DCC: variants seen among roughly 807,000 people sequenced by gnomAD.
DCC encodes the protein DCC netrin 1 receptor.
DCC carries 58 observed loss-of-function variants against 172.5 expected under a neutral mutation model. The ratio of observed to expected loss-of-function variants is 0.34; its 90% CI spans 0.27 to 0.42. DCC has a LOEUF of 0.42. Among genes scored for constraint, DCC ranks in the 10% least tolerant of loss-of-function variants. The pLI is 1.00. For missense variants in DCC, 1,740 were observed against 1,791.0 expected (o/e 0.97, Z 0.51); for synonymous variants, 709 against 644.5 (o/e 1.10, Z -1.52).
At position 52,817,803 on chromosome 18, in the gene DCC, A is replaced by ATATATGTGTG. The variant is rs375371359; in HGVS notation, c.412+65430_412+65431insATATGTGTGT. Among the ~76,000 whole-genome samples the ATATATGTGTG allele has an allele frequency of 4.3e-3, 652 of 151,528 alleles. 9 individuals carry two copies. Among genetic ancestry groups the ATATATGTGTG allele is most frequent in the African/African-American group, 0.015 (616 of 41,284 alleles). Reference sequence around the variant, plus strand: ...AAATATAAAATGTTTATATATATATATGTGTGTGTGTGTGTATAATTTATG... The same window carrying ATATATGTGTG: ...AAATATAAAATGTTTATATATATATATATATGTGTGTGTGTGTGTGTGTGTATAATTTATG... On this transcript the variant is annotated intron_variant, in intron 2 of 28. Transcript: ENST00000442544.
intron 1 of DCC, among the ~76,000 whole-genome samples, chr18:52,414,834 A>G (rs1383553949): frequency 6.6e-6 from 1 of 152,196 alleles, no homozygotes; most frequent in Non-Finnish European, 1.5e-5. Context: ...TGCTCCTGAC[A>G]TTTAATTGGT....
chr18:53,126,484 G>T (rs578088926), intron 7 of DCC, among the ~76,000 whole-genome samples: 2 of 152,044 alleles, frequency 1.3e-5, no homozygotes, highest in Non-Finnish European at 2.9e-5. Flanking sequence ...TTGAGCTGTC[G>T]CTAGGAGCAG....
chr18:53,123,764 T>A (rs545939393), intron 7 of DCC, among the ~76,000 whole-genome samples: 1 of 152,192 alleles, frequency 6.6e-6, no homozygotes, highest in South Asian at 2.1e-4. Context: ...CTATTCACAG[T>A]CTTCATCTCT....
intron 12 of DCC, among the ~76,000 whole-genome samples, chr18:53,289,937 T>C (rs1321869056): frequency 6.6e-6 from 1 of 152,194 alleles, no homozygotes; most frequent in African/African-American, 2.4e-5. Flanking sequence ...TTTAGATTTG[T>C]GTGCTTGAGG....
At chr18:53,134,707 T>A (rs1317756962) in intron 7 of DCC, among the ~76,000 whole-genome samples, 2 of 152,158 alleles carry the variant, frequency 1.3e-5, no homozygotes, top group African/African-American at 4.8e-5. Context: ...TTTTTTGACA[T>A]TGGTCAGAAA....
chr18:53,468,436 G>A (rs1277141275), intron 25 of DCC, among the ~76,000 whole-genome samples: 1 of 148,392 alleles, frequency 6.7e-6, no homozygotes, highest in Non-Finnish European at 1.5e-5. Context: ...AGGTTGGAGT[G>A]CAGTGGCACA....
chr18:52,526,406 G>A (rs1227197999), intron 1 of DCC, among the ~76,000 whole-genome samples: 1 of 152,014 alleles, frequency 6.6e-6, no homozygotes, highest in Non-Finnish European at 1.5e-5. Context: ...CAAAGGCAAG[G>A]TCTTCAGACA....
intron 5 of DCC, among the ~76,000 whole-genome samples, chr18:52,962,787 G>T (rs1160515501): frequency 6.6e-6 from 1 of 151,948 alleles, no homozygotes; most frequent in Non-Finnish European, 1.5e-5. Context: ...AAAAAATGAT[G>T]AGTTCATGTC....
intron 12 of DCC, among the ~76,000 whole-genome samples, chr18:53,267,700 A>C (rs976946743): frequency 1.3e-5 from 2 of 152,094 alleles, no homozygotes; most frequent in African/African-American, 4.8e-5. Flanking sequence ...TTCTGGGCTC[A>C]AGCAATCCTC....
At chr18:52,641,760 G>A (rs2034894987) in intron 1 of DCC, among the ~76,000 whole-genome samples, 1 of 151,900 alleles carries the variant, frequency 6.6e-6, no homozygotes, top group African/African-American at 2.4e-5. Context: ...CTTCTACACT[G>A]CTGGTGGGAA....
chr18:52,388,655 C>A (rs1253897871), intron 1 of DCC, among the ~76,000 whole-genome samples: 1 of 152,014 alleles, frequency 6.6e-6, no homozygotes, highest in Non-Finnish European at 1.5e-5. Flanking sequence ...CAGCTTCCTG[C>A]AGGTAAACTG....
intron 1 of DCC, among the ~76,000 whole-genome samples, chr18:52,722,148 G>A (rs55741030): frequency 0.2 from 30,739 of 152,158 alleles, 3,637 homozygotes; most frequent in Admixed American, 0.3. Context: ...TAAAAGGCTT[G>A]CTACAAAACA....
chr18:52,863,485 G>GT (rs796222556), intron 2 of DCC, among the ~76,000 whole-genome samples: 37 of 151,652 alleles, frequency 2.4e-4, no homozygotes, highest in African/African-American at 8.2e-4. Flanking sequence ...CATAACTTTT[G>GT]TTTTTAAGAA....
intron 1 of DCC, among the ~76,000 whole-genome samples, chr18:52,640,505 AG>A (rs1484251965): frequency 3.3e-5 from 5 of 152,196 alleles, no homozygotes; most frequent in African/African-American, 1.2e-4. Context: ...AAAAGAATTC[AG>A]CAAAGTTTCC....
intron 28 of DCC, among the ~76,000 whole-genome samples, chr18:53,528,393 T>C (rs887934025): frequency 5.0e-4 from 76 of 152,252 alleles, no homozygotes; most frequent in African/African-American, 1.7e-3. Context: ...TATAGCTGTT[T>C]ATGTCAATAT....
intron 5 of DCC, among the ~76,000 whole-genome samples, chr18:53,047,268 AT>A (rs1318783843): frequency 5.6e-5 from 1 of 17,810 alleles, no homozygotes; most frequent in Non-Finnish European, 1.1e-4. Flanking sequence ...ATATATATAT[AT>A]ATATATATAT....
intron 9 of DCC, among the ~76,000 whole-genome samples, chr18:53,185,839 G>C (rs953972774): frequency 6.6e-6 from 1 of 152,080 alleles, no homozygotes; most frequent in Non-Finnish European, 1.5e-5. Flanking sequence ...GTTCAGTTTT[G>C]TTCAAAACAA....
Position 53,305,660 on chromosome 18 carries a change from C to T in DCC, c.1994C>T (p.Thr665Met), listed in dbSNP as rs369809232. ...ITGYKIRHRK[T>M]TRRGEMETLE... ...GGCTATAAAATTCGACACAGAAAGA[C>T]GACCCGCAGGGGTGAGATGGAAACA... is the stretch of plus-strand genomic sequence containing the variant. Residue 665 changes from threonine to methionine, a missense_variant, in exon 13 of 29, where the codon ACG (threonine) becomes ATG (methionine). Thr to Met is a moderately conservative substitution (Grantham distance 81). Around this residue, in one of 2 missense-constraint regions of DCC, gnomAD observed 1,732 missense variants for 1,767.4 expected, o/e 0.98. Coordinates refer to ENST00000442544, the MANE Select transcript of DCC (RefSeq NM_005215.4). 31 of 1,613,990 alleles carry T rather than the reference C, an allele frequency of 1.9e-5. No individual in the cohort carries two copies. In the East Asian group the frequency reaches 2.0e-4, roughly 10 times the overall value.
At chr18:52,638,723 A>G (rs2034831574) in intron 1 of DCC, among the ~76,000 whole-genome samples, 1 of 151,868 alleles carries the variant, frequency 6.6e-6, no homozygotes, top group Non-Finnish European at 1.5e-5. Flanking sequence ...CAGAAATGAG[A>G]TAGAAATGAG....
Sources: gnomAD v4.1 joint callset for allele counts (sites outside exome capture counted in the v4.1 genomes callset) on GRCh38, gnomAD v4.1.1 for gene constraint, gnomAD v4.1.1 regional missense constraint, MANE v1.5 for transcripts, NCBI Gene and HGNC (gene_info 2026-07-23, HGNC 2026-07-21) for gene names.